Variants in CPPED1 observed in about 807,000 individuals in gnomAD.
The protein encoded by CPPED1 is calcineurin like phosphoesterase domain containing 1.
Under a neutral mutation model 28.0 loss-of-function variants are expected in CPPED1, and 28 were observed. The observed-to-expected ratio is 1.00, with a 90% CI of 0.74 to 1.37. The LOEUF (loss-of-function observed/expected upper bound fraction) is 1.37, where lower values mean the gene tolerates loss of function less well. Ranked by LOEUF, CPPED1 falls within the 40% of genes most tolerant of loss-of-function variation. CPPED1 has a pLI of 0.00. For missense variants in CPPED1, 504 were observed against 416.5 expected, an observed-to-expected ratio of 1.21 and a Z score of -1.83; for synonymous variants, 198 against 180.2, an observed-to-expected ratio of 1.10 and a Z score of -0.79.
chr16:12,725,868 G>C (rs1272507493), intron 2 of CPPED1, among the ~76,000 whole-genome samples: 1 of 152,104 alleles, frequency 6.6e-6, no homozygotes, highest in Non-Finnish European at 1.5e-5. Flanking sequence ...CTCTTACCTA[G>C]CTGTGTGCTG....
At chr16:12,789,365 G>T (rs993799386) in intron 1 of CPPED1, among the ~76,000 whole-genome samples, 1 of 152,268 alleles carries the variant, frequency 6.6e-6, no homozygotes, top group South Asian at 2.1e-4. Context: ...ATCTACAAAG[G>T]CTAAGGGGCA....
chr16:12,704,982 G>A lies in CPPED1; in HGVS notation c.357C>T (p.Ile119=). 1 of 1,614,232 alleles carries A rather than the reference G, an allele frequency of 6.2e-7. No homozygotes were observed. Among genetic ancestry groups the A allele is most frequent in the Middle Eastern group, 1.6e-4 (1 of 6,062 alleles). ...GGTTGCCGCTGACAAGGACCAGTGG[G>A]ATGGCCCTGTCCACTGCCCTAAGCA... ...KRVLRAVDRA[I]PLVLVSGNHD... Residue 119 remains isoleucine (I), a synonymous_variant, in exon 3 of 4, where the codon ATC becomes ATT. Coordinates refer to ENST00000381774, the MANE Select transcript of CPPED1 (RefSeq NM_018340.3).
intron 2 of CPPED1, among the ~76,000 whole-genome samples, chr16:12,721,965 T>C (rs1198385970): frequency 6.6e-6 from 1 of 152,166 alleles, no homozygotes; most frequent in East Asian, 1.9e-4. Context: ...ATCCATTTAC[T>C]GTCTTAGTAA....
At chr16:12,759,904 T>G (rs1287338299) in intron 2 of CPPED1, among the ~76,000 whole-genome samples, 1 of 152,152 alleles carries the variant, frequency 6.6e-6, no homozygotes, top group Admixed American at 6.5e-5. Context: ...AGACTAATAC[T>G]GGGGCAAACT....
intron 2 of CPPED1, among the ~76,000 whole-genome samples, chr16:12,778,666 C>A (rs959580681): frequency 6.6e-6 from 1 of 152,194 alleles, no homozygotes; most frequent in East Asian, 1.9e-4. Flanking sequence ...GAAGAATGTG[C>A]TAAGTAGTCA....
At chr16:12,713,423 T>G (rs1037741996) in intron 2 of CPPED1, among the ~76,000 whole-genome samples, 16 of 152,184 alleles carry the variant, frequency 1.1e-4, no homozygotes, top group Admixed American at 1.0e-3. Context: ...TGGAGTGCAG[T>G]GGCGCAATCT....
At chr16:12,785,498 G>A (rs1317418012) in intron 1 of CPPED1, among the ~76,000 whole-genome samples, 1 of 145,420 alleles carries the variant, frequency 6.9e-6, no homozygotes, top group Non-Finnish European at 1.5e-5. Flanking sequence ...TGCAATCTCT[G>A]CTTACTGCAA....
intron 2 of CPPED1, among the ~76,000 whole-genome samples, chr16:12,743,233 T>C (rs1325376442): frequency 6.6e-6 from 1 of 152,166 alleles, no homozygotes; most frequent in African/African-American, 2.4e-5. Context: ...AAGTCTTTTC[T>C]GCACAGAAAG....
intron 3 of CPPED1, among the ~76,000 whole-genome samples, chr16:12,678,911 A>G (rs1006630447): frequency 2.6e-5 from 4 of 152,196 alleles, no homozygotes; most frequent in African/African-American, 7.2e-5. Context: ...TCTCCAATAC[A>G]ATGTTAAAAA....
chr16:12,707,953 C>A (rs1322946634), intron 2 of CPPED1, among the ~76,000 whole-genome samples: 2 of 152,148 alleles, frequency 1.3e-5, no homozygotes, highest in African/African-American at 4.8e-5. Context: ...TCAACACCAA[C>A]CTGGCCAACA....
rs1397167149 is a variant in CPPED1 at position 12,709,171 on chromosome 16, CA to C, written c.290-4123del. Among the ~76,000 whole-genome samples, 4 of 152,132 alleles carry C rather than the reference CA, an allele frequency of 2.6e-5. No individual in the cohort carries two copies. Among genetic ancestry groups the C allele is most frequent in the African/African-American group, 9.7e-5 (4 of 41,418 alleles). On this transcript the variant is annotated intron_variant, in intron 2 of 3. Coordinates refer to ENST00000381774, the MANE Select transcript of CPPED1 (RefSeq NM_018340.3). This position sits in a 1 kb window ranked among gnomAD's most constrained non-coding sequence, Gnocchi z 4.4. ...AAAAACAGAAACCTGCCCAAGGACA[CA>C]GAGCTTCAATGAGTTTCCTGTCTCA... is the stretch of plus-strand genomic sequence containing the variant.
chr16:12,787,223 A>C (rs1048779259), intron 1 of CPPED1, among the ~76,000 whole-genome samples: 1 of 152,200 alleles, frequency 6.6e-6, no homozygotes, highest in Admixed American at 6.5e-5. Flanking sequence ...GAATTGATTA[A>C]GATCTCATTT....
intron 3 of CPPED1, among the ~76,000 whole-genome samples, chr16:12,696,322 T>A (rs1279768530): frequency 6.6e-6 from 1 of 152,032 alleles, no homozygotes; most frequent in Non-Finnish European, 1.5e-5. Context: ...GTCTAGCTAA[T>A]GGATAAAGCA....
chr16:12,783,397 G>T (rs1020417628), intron 1 of CPPED1, among the ~76,000 whole-genome samples: 1 of 152,104 alleles, frequency 6.6e-6, no homozygotes, highest in Non-Finnish European at 1.5e-5. Flanking sequence ...TACTTGGGAG[G>T]CTGAGGTGAG....
chr16:12,752,535 CAGTT>C (rs2080336586), intron 2 of CPPED1, among the ~76,000 whole-genome samples: 2 of 151,298 alleles, frequency 1.3e-5, no homozygotes, highest in East Asian at 3.9e-4. Flanking sequence ...TTCTGAAAAT[CAGTT>C]AGAAGTCTAT....
At chr16:12,674,440 T>TG (rs2079868069) in intron 3 of CPPED1, among the ~76,000 whole-genome samples, 1 of 152,128 alleles carries the variant, frequency 6.6e-6, no homozygotes, top group Admixed American at 6.5e-5. Flanking sequence ...TTTCCAGACG[T>TG]GGGGGTTTCT....
At chr16:12,681,830 C>T (rs767183662) in intron 3 of CPPED1, among the ~76,000 whole-genome samples, 17 of 152,098 alleles carry the variant, frequency 1.1e-4, no homozygotes, top group Non-Finnish European at 2.1e-4. Flanking sequence ...CATCTGCATC[C>T]GACTTAGAAT....
intron 3 of CPPED1, among the ~76,000 whole-genome samples, chr16:12,669,149 G>A (rs566185142): frequency 3.3e-5 from 5 of 152,232 alleles, no homozygotes; most frequent in African/African-American, 4.8e-5. Flanking sequence ...ATTCAACCAC[G>A]AAAAGGAATA....
intron 2 of CPPED1, chr16:12,759,534 A>G (rs1277899195): frequency 1.3e-5 from 2 of 152,236 alleles, no homozygotes; most frequent in East Asian, 3.8e-4. Context: ...AAAGCAGGTG[A>G]ATATATTCAA....
Sources: allele counts gnomAD v4.1 joint callset (sites outside exome capture counted in the v4.1 genomes callset), GRCh38; gene constraint gnomAD v4.1.1; non-coding constraint Gnocchi (gnomAD v3.1); transcripts MANE v1.5; gene names NCBI Gene and HGNC (gene_info 2026-07-23, HGNC 2026-07-21).